The following EVI5 variants were observed in gnomAD, a reference collection of about 807,000 sequenced individuals.
The protein encoded by EVI5 is ecotropic viral integration site 5.
Under a neutral mutation model 112.0 loss-of-function variants are expected in EVI5, and 73 were observed. The observed-to-expected ratio is 0.65, with a 90% CI of 0.54 to 0.79. The LOEUF (loss-of-function observed/expected upper bound fraction) is 0.79, where lower values mean the gene tolerates loss of function less well. Among genes scored for constraint, EVI5 ranks in the 30% least tolerant of loss-of-function variants. The pLI, the probability that EVI5 is intolerant of heterozygous loss-of-function variation, is 0.00. For synonymous variants in EVI5, 305 were observed against 319.9 expected (o/e 0.95, Z 0.50); for missense variants, 900 against 968.8 (o/e 0.93, Z 0.94).
chr1:92,783,682 C>T (rs867668279), intron 1 of EVI5, among the ~76,000 whole-genome samples: 6 of 148,362 alleles, frequency 4.0e-5, no homozygotes, highest in South Asian at 2.1e-4. Context: ...AGTGGTGGCG[C>T]GCGCCTGTAG....
chr1:92,784,710 G>T, intron 1 of EVI5, 126 bp downstream of exon 1: 1 of 659,492 alleles, frequency 1.5e-6, no homozygotes, highest in Non-Finnish European at 1.9e-6. Flanking sequence ...CGCCCGCCCC[G>T]CTCCCACAGC....
At position 92,510,727 on chromosome 1, in the gene EVI5, G is replaced by C. The variant is rs935907360; in HGVS notation, c.*2929C>G. 6.6e-6 allele frequency: 1 copy of C among 152,204 alleles called. No individual in the cohort carries two copies. Among genetic ancestry groups the C allele is most frequent in the African/African-American group, 2.4e-5 (1 of 41,454 alleles). The allele number at this position is 152,204 out of a possible 1,614,324, so 9.4% of individuals were successfully genotyped here. A position where few individuals can be genotyped will look rare whatever the true frequency, so the allele number is the denominator to read the frequency against. ...TATTTAAAAGGGTGAGCATGGGTGT[G>C]CCCCAATAAAACTTTACTTATGGAC... On this transcript the variant is annotated 3_prime_UTR_variant, in exon 20 of 20. Transcript: ENST00000684568.
intron 2 of EVI5, among the ~76,000 whole-genome samples, chr1:92,718,375 C>T (rs1429867781): frequency 6.6e-6 from 1 of 152,180 alleles, no homozygotes; most frequent in African/African-American, 2.4e-5. Context: ...AATTAGAACT[C>T]AGGATTCAGA....
At chr1:92,722,767 T>C (rs1674963949) in intron 2 of EVI5, among the ~76,000 whole-genome samples, 1 of 152,088 alleles carries the variant, frequency 6.6e-6, no homozygotes, top group Non-Finnish European at 1.5e-5. Context: ...AAAGACTATC[T>C]CTTCCCAAAA....
chr1:92,703,317 T>C (rs1456718554), intron 4 of EVI5, 78 bp downstream of exon 4: 3 of 869,088 alleles, frequency 3.5e-6, no homozygotes, highest in East Asian at 5.3e-5. Flanking sequence ...TGGGAGGTCA[T>C]GCTTCATCAT....
chr1:92,700,504 C>T (rs1218219125), intron 5 of EVI5, among the ~76,000 whole-genome samples: 1 of 152,144 alleles, frequency 6.6e-6, no homozygotes, highest in South Asian at 2.1e-4. Flanking sequence ...CCACTGACAA[C>T]AGCTAAGTAG....
At chr1:92,772,532 T>C (rs1683565272) in intron 1 of EVI5, among the ~76,000 whole-genome samples, 1 of 152,080 alleles carries the variant, frequency 6.6e-6, no homozygotes, top group Non-Finnish European at 1.5e-5. Context: ...ACATCTTCCC[T>C]ACAACTCAGT....
intron 18 of EVI5, among the ~76,000 whole-genome samples, chr1:92,565,967 A>AAAAAAAAAAAAAAAAAT (rs1669405292): frequency 6.7e-6 from 1 of 149,806 alleles, no homozygotes; most frequent in Non-Finnish European, 1.5e-5. Flanking sequence ...AAAAAAAAAA[A>AAAAAAAAAAAAAAAAAT]AGAAATGTTC....
intron 14 of EVI5, among the ~76,000 whole-genome samples, chr1:92,633,105 A>G (rs904721059): frequency 2.6e-5 from 4 of 152,128 alleles, no homozygotes; most frequent in Admixed American, 6.5e-5. Context: ...TACGTGGTCA[A>G]TTTTGGAGTA....
At position 92,510,999 on chromosome 1, in the gene EVI5, G is replaced by A. The variant is rs200061447; in HGVS notation, c.*2657C>T. The A allele has an allele frequency of 6.6e-6, 1 of 152,048 alleles. No homozygotes were observed. Among genetic ancestry groups the A allele is most frequent in the East Asian group, 1.9e-4 (1 of 5,198 alleles). The allele number at this position is 152,048 out of a possible 1,614,324, so 9.4% of individuals were successfully genotyped here. ...TTCTGGGCTGATAGTATAGAACTCC[G>A]AACAAAAATCCCCAAAGCACAAGAC... is the stretch of plus-strand genomic sequence containing the variant. On this transcript the variant is annotated 3_prime_UTR_variant, in exon 20 of 20. Transcript: ENST00000684568.
chr1:92,721,275 C>A (rs1674709817), intron 2 of EVI5, among the ~76,000 whole-genome samples: 1 of 152,168 alleles, frequency 6.6e-6, no homozygotes, highest in Non-Finnish European at 1.5e-5. Context: ...TTGGAACCAA[C>A]CCAAATGTCC....
chr1:92,739,665 CAT>C (rs1340000474), intron 1 of EVI5, among the ~76,000 whole-genome samples: 2 of 151,964 alleles, frequency 1.3e-5, no homozygotes, highest in African/African-American at 4.8e-5. Context: ...TACAATCTCC[CAT>C]GAGAAACAGA....
At chr1:92,632,897 G>T (rs549970583) in intron 14 of EVI5, among the ~76,000 whole-genome samples, 2 of 152,308 alleles carry the variant, frequency 1.3e-5, no homozygotes, top group South Asian at 2.1e-4. Context: ...TGGTTTCAAA[G>T]GACATCTTTA....
At chr1:92,761,774 T>G (rs983083148) in intron 1 of EVI5, among the ~76,000 whole-genome samples, 2 of 152,186 alleles carry the variant, frequency 1.3e-5, no homozygotes, top group Non-Finnish European at 2.9e-5. Context: ...AATGGCTTAG[T>G]TCCAGTAAGA....
intron 1 of EVI5, among the ~76,000 whole-genome samples, chr1:92,761,331 C>T (rs768254561): frequency 3.3e-5 from 5 of 151,962 alleles, no homozygotes; most frequent in East Asian, 1.9e-4. Flanking sequence ...ACTTATAGCA[C>T]GATTTTTTTT....
intron 2 of EVI5, among the ~76,000 whole-genome samples, chr1:92,711,205 G>A (rs892260932): frequency 3.3e-5 from 5 of 152,130 alleles, no homozygotes; most frequent in African/African-American, 1.2e-4. Context: ...GTACTTGGGG[G>A]AAAATCCATG....
intron 13 of EVI5, among the ~76,000 whole-genome samples, chr1:92,656,671 A>C (rs1037332793): frequency 6.6e-6 from 1 of 152,168 alleles, no homozygotes; most frequent in Admixed American, 6.5e-5. Context: ...GAGAAGACCC[A>C]AATTAACAAG....
chr1:92,578,595 G>GT (rs1290426908), intron 18 of EVI5, among the ~76,000 whole-genome samples: 1 of 151,986 alleles, frequency 6.6e-6, no homozygotes, highest in Non-Finnish European at 1.5e-5. Context: ...GCGGGTGCCT[G>GT]TAGTCCCAGC....
chr1:92,541,647 T>C (rs1207288308), intron 19 of EVI5, among the ~76,000 whole-genome samples: 2 of 152,174 alleles, frequency 1.3e-5, no homozygotes, highest in Non-Finnish European at 2.9e-5. Context: ...TACGTTTATA[T>C]GGAAACTTGT....
Sources: gnomAD v4.1 joint callset for allele counts (sites outside exome capture counted in the v4.1 genomes callset) on GRCh38, gnomAD v4.1.1 for gene constraint, MANE v1.5 for transcripts, NCBI Gene and HGNC (gene_info 2026-07-23, HGNC 2026-07-21) for gene names.